SPTLC3: variants seen among roughly 807,000 people sequenced by gnomAD.
The protein encoded by SPTLC3 is serine palmitoyltransferase 3.
A neutral mutation model predicts 59.3 loss-of-function variants in SPTLC3; 36 were observed. That is an observed-to-expected ratio of 0.61 (90% confidence interval 0.47 to 0.80). SPTLC3 has a LOEUF of 0.80. Among genes scored for constraint, SPTLC3 ranks in the 30% least tolerant of loss-of-function variants. The pLI, the probability that SPTLC3 is intolerant of heterozygous loss-of-function variation, is 0.00. For synonymous variants in SPTLC3, 257 were observed against 240.8 expected, an observed-to-expected ratio of 1.07 and a Z score of -0.62; for missense variants, 625 against 685.1, an observed-to-expected ratio of 0.91 and a Z score of 0.98.
chr20:13,069,420 G>A (rs1165318303), intron 2 of SPTLC3, among the ~76,000 whole-genome samples: 1 of 152,124 alleles, frequency 6.6e-6, no homozygotes, highest in Non-Finnish European at 1.5e-5. Context: ...AAAGCCAGGT[G>A]GGGTGAAGGG....
intron 1 of SPTLC3, among the ~76,000 whole-genome samples, chr20:13,038,675 G>C (rs1986841239): frequency 6.6e-6 from 1 of 151,900 alleles, no homozygotes; most frequent in Admixed American, 6.6e-5. Flanking sequence ...TTTTGTGATT[G>C]TTTTCTGTTT....
chr20:13,101,727 C>T (rs146348208), intron 6 of SPTLC3, among the ~76,000 whole-genome samples: 400 of 152,230 alleles, frequency 2.6e-3, no homozygotes, highest in African/African-American at 9.1e-3. Context: ...CTTTCATATG[C>T]ACACGAGGTA....
At chr20:13,071,528 A>G (rs1252094891) in intron 2 of SPTLC3, among the ~76,000 whole-genome samples, 1 of 152,192 alleles carries the variant, frequency 6.6e-6, no homozygotes, top group Non-Finnish European at 1.5e-5. Context: ...CACATTGAAA[A>G]TCAGTCAGAT....
intron 2 of SPTLC3, among the ~76,000 whole-genome samples, chr20:13,053,885 C>G (rs4814192): frequency 0.87 from 132,518 of 152,034 alleles, 57,815 homozygotes; most frequent in East Asian, 0.92. Flanking sequence ...AAATATGGGA[C>G]TATGTGAAAA....
intron 4 of SPTLC3, 65 bp downstream of exon 4, chr20:13,074,562 C>T (rs551838428): frequency 2.6e-6 from 4 of 1,516,486 alleles, no homozygotes; most frequent in East Asian, 4.6e-5. Flanking sequence ...GTCTGTCTCT[C>T]AAATCTAGAT....
chr20:13,045,591 G>A (rs1474559860), intron 1 of SPTLC3, among the ~76,000 whole-genome samples: 3 of 152,048 alleles, frequency 2.0e-5, no homozygotes, highest in Admixed American at 2.0e-4. Context: ...TCTCTGTGAA[G>A]ATATCTCATT....
At chr20:13,120,122 C>T (rs149339706) in intron 8 of SPTLC3, among the ~76,000 whole-genome samples, 3 of 152,176 alleles carry the variant, frequency 2.0e-5, no homozygotes, top group East Asian at 1.9e-4. Context: ...AATTAGGATT[C>T]GGCAAATACT....
At chr20:13,064,279 T>TTGG (rs1555790496) in intron 2 of SPTLC3, among the ~76,000 whole-genome samples, 1 of 136,688 alleles carries the variant, frequency 7.3e-6, no homozygotes, top group Non-Finnish European at 1.5e-5. Flanking sequence ...TTCTTTTTTT[T>TTGG]TTTTGTTTTG....
chr20:13,139,101 C>G (rs866768535), intron 9 of SPTLC3, among the ~76,000 whole-genome samples: 1 of 152,200 alleles, frequency 6.6e-6, no homozygotes, highest in Non-Finnish European at 1.5e-5. Context: ...CATCCTCCCT[C>G]CTTCTCCTCC....
intron 9 of SPTLC3, among the ~76,000 whole-genome samples, chr20:13,146,904 G>A (rs187317320): frequency 4.6e-5 from 7 of 152,316 alleles, no homozygotes; most frequent in Non-Finnish European, 7.3e-5. Flanking sequence ...GGTCAGCTGC[G>A]TAATGCCTTC....
chr20:13,089,432 T>G (rs1989129361), intron 4 of SPTLC3, among the ~76,000 whole-genome samples: 1 of 152,204 alleles, frequency 6.6e-6, no homozygotes, highest in South Asian at 2.1e-4. Context: ...TCAATTTAAT[T>G]ATACATTTTC....
intron 9 of SPTLC3, among the ~76,000 whole-genome samples, chr20:13,132,397 G>C (rs1422908413): frequency 2.0e-5 from 3 of 151,892 alleles, no homozygotes; most frequent in Non-Finnish European, 4.4e-5. Flanking sequence ...GGCTGATCTT[G>C]AGCTCCCGAC....
chr20:13,042,653 C>T (rs1203133980), intron 1 of SPTLC3, among the ~76,000 whole-genome samples: 1 of 152,124 alleles, frequency 6.6e-6, no homozygotes, highest in Non-Finnish European at 1.5e-5. Flanking sequence ...AAAGAAATAC[C>T]ATAACCCTTG....
At chr20:13,138,946 T>C (rs2038316212) in intron 9 of SPTLC3, among the ~76,000 whole-genome samples, 1 of 152,190 alleles carries the variant, frequency 6.6e-6, no homozygotes, top group African/African-American at 2.4e-5. Context: ...GGAGACACAA[T>C]CTGAAACTCA....
At chr20:13,103,863 T>C (rs1989722604) in intron 6 of SPTLC3, among the ~76,000 whole-genome samples, 3 of 152,182 alleles carry the variant, frequency 2.0e-5, no homozygotes, top group Admixed American at 1.3e-4. Context: ...GAAAGCTAAA[T>C]GTCTGGGTTT....
At chr20:13,144,341 A>G (rs1277796737) in intron 9 of SPTLC3, among the ~76,000 whole-genome samples, 1 of 152,228 alleles carries the variant, frequency 6.6e-6, no homozygotes, top group African/African-American at 2.4e-5. Flanking sequence ...ACTGAACACA[A>G]CAGCCACTTA....
chr20:13,151,407 TTGTC>T (rs2038644427), intron 9 of SPTLC3, among the ~76,000 whole-genome samples: 1 of 152,194 alleles, frequency 6.6e-6, no homozygotes, highest in Non-Finnish European at 1.5e-5. Context: ...GCTCCATTCA[TTGTC>T]TGTGGTCAGG....
At chr20:13,138,811 T>C (rs2038313035) in intron 9 of SPTLC3, among the ~76,000 whole-genome samples, 1 of 152,200 alleles carries the variant, frequency 6.6e-6, no homozygotes, top group African/African-American at 2.4e-5. Context: ...CACCATCAGA[T>C]ATGGAGGTGA....
At chr20:13,063,147 G>T (rs1988038143) in intron 2 of SPTLC3, among the ~76,000 whole-genome samples, 1 of 152,082 alleles carries the variant, frequency 6.6e-6, no homozygotes, top group African/African-American at 2.4e-5. Context: ...ATTTATTTTT[G>T]TCTTAATTTG....
Sources: allele counts gnomAD v4.1 joint callset (sites outside exome capture counted in the v4.1 genomes callset), GRCh38; gene constraint gnomAD v4.1.1; transcripts MANE v1.5; gene names NCBI Gene and HGNC (gene_info 2026-07-23, HGNC 2026-07-21).